Variants in LYRM1 observed in about 807,000 individuals in gnomAD.
The protein encoded by LYRM1 is LYR motif-containing protein 1.
A neutral mutation model predicts 14.9 loss-of-function variants in LYRM1; 14 were observed. That is an observed-to-expected ratio of 0.94 (90% CI 0.62 to 1.47). The LOEUF is 1.47. LYRM1 is among the 40% of genes most tolerant of loss of function. The pLI is 0.00. For synonymous variants in LYRM1, 43 were observed against 56.2 expected (o/e 0.77, Z 1.05); for missense variants, 153 against 149.9 (o/e 1.02, Z -0.11).
intron 3 of LYRM1, 174 bp downstream of exon 3, chr16:20,920,388 T>TTA (rs1172039409): frequency 1.6e-6 from 1 of 622,446 alleles, no homozygotes; most frequent in Non-Finnish European, 2.9e-6. Flanking sequence ...CAAAGTAAAA[T>TTA]GTCAATGAAT....
At chr16:20,917,839 T>G (rs1253735756) in intron 2 of LYRM1, among the ~76,000 whole-genome samples, 1 of 152,092 alleles carries the variant, frequency 6.6e-6, no homozygotes, top group Non-Finnish European at 1.5e-5. Context: ...TTTTCTTCTT[T>G]ATTTTATTTA....
chr16:20,917,592 T>C (rs949019869), intron 2 of LYRM1, among the ~76,000 whole-genome samples: 6 of 152,016 alleles, frequency 3.9e-5, no homozygotes, highest in Admixed American at 2.6e-4. Context: ...AAACCCTGTC[T>C]ACTAAAAATA....
intron 2 of LYRM1, among the ~76,000 whole-genome samples, chr16:20,916,745 A>G (rs2082921853): frequency 6.6e-6 from 1 of 152,174 alleles, no homozygotes; most frequent in Non-Finnish European, 1.5e-5. Context: ...CATTGGTGTC[A>G]CAGCTCCTGT....
chr16:20,923,498 C>CA (rs66570481), intron 3 of LYRM1, among the ~76,000 whole-genome samples: 51,048 of 109,360 alleles, frequency 0.47, 11,706 homozygotes, highest in Non-Finnish European at 0.54. Context: ...AACTGTGTCT[C>CA]AAAAAAAAAA....
intron 2 of LYRM1, among the ~76,000 whole-genome samples, chr16:20,919,501 A>G (rs2083078643): frequency 6.6e-6 from 1 of 152,230 alleles, no homozygotes; most frequent in East Asian, 1.9e-4. Context: ...TCTCTCTAGG[A>G]ATTCATCTTT....
chr16:20,902,047 G>A (rs977787162), intron 1 of LYRM1, among the ~76,000 whole-genome samples: 1 of 152,158 alleles, frequency 6.6e-6, no homozygotes, highest in African/African-American at 2.4e-5. Flanking sequence ...GGAGGTGGAG[G>A]TTGCAGTGAG....
chr16:20,901,141 C>G lies in LYRM1; in HGVS notation c.-1+252C>G, dbSNP rs1386088205. The G allele has an allele frequency of 6.6e-6, 1 of 152,302 alleles. No homozygotes were observed. The highest frequency in any genetic ancestry group is 1.5e-5 in the Non-Finnish European group (1 of 68,152). The allele number at this position is 152,302 out of a possible 1,614,324, so 9.4% of individuals were successfully genotyped here. A position where few individuals can be genotyped will look rare whatever the true frequency, so the allele number is the denominator to read the frequency against. ...GACGCTCAGGTGCCGGCGTGGGGCCCCCTCGGAGGCTGTGAATCTTTTGGA... is the reference window on the plus strand; with the variant it reads ...GACGCTCAGGTGCCGGCGTGGGGCCGCCTCGGAGGCTGTGAATCTTTTGGA... On this transcript the variant is annotated intron_variant, in intron 1 of 3. Coordinates refer to ENST00000567954, the MANE Select transcript of LYRM1 (RefSeq NM_001128302.3). The surrounding 1 kb of genome is among the most constrained non-coding windows in gnomAD (Gnocchi z 4.6).
At chr16:20,906,901 C>T (rs1411633809) in intron 1 of LYRM1, among the ~76,000 whole-genome samples, 2 of 152,102 alleles carry the variant, frequency 1.3e-5, no homozygotes, top group Admixed American at 1.3e-4. Flanking sequence ...CTCCCCAGAC[C>T]CTCTCACTGC....
chr16:20,923,498 C>CAAAAAAA (rs66570481), intron 3 of LYRM1, among the ~76,000 whole-genome samples: 3 of 110,422 alleles, frequency 2.7e-5, no homozygotes, highest in Admixed American at 9.6e-5. Flanking sequence ...AACTGTGTCT[C>CAAAAAAA]AAAAAAAAAA....
chr16:20,922,282 G>A (rs958380444), intron 3 of LYRM1, among the ~76,000 whole-genome samples: 9 of 152,054 alleles, frequency 5.9e-5, no homozygotes, highest in Admixed American at 1.3e-4. Context: ...GAGCCACCAC[G>A]CCCAGCCCAA....
At chr16:20,907,186 A>G (rs2082364739) in intron 1 of LYRM1, among the ~76,000 whole-genome samples, 1 of 152,190 alleles carries the variant, frequency 6.6e-6, no homozygotes, top group Non-Finnish European at 1.5e-5. Flanking sequence ...TATACAGTGT[A>G]TTTAAAAAGA....
At chr16:20,922,886 G>T (rs1310820208) in intron 3 of LYRM1, among the ~76,000 whole-genome samples, 1 of 152,154 alleles carries the variant, frequency 6.6e-6, no homozygotes, top group Non-Finnish European at 1.5e-5. Context: ...AAGAAAGCTG[G>T]TGGTATTACT....
intron 1 of LYRM1, among the ~76,000 whole-genome samples, chr16:20,914,723 T>C (rs938150436): frequency 2.6e-5 from 4 of 152,184 alleles, no homozygotes; most frequent in African/African-American, 7.2e-5. Context: ...TCTTTCTACA[T>C]GGCAGCTGCT....
At chr16:20,906,725 C>G (rs1258717565) in intron 1 of LYRM1, among the ~76,000 whole-genome samples, 1 of 152,136 alleles carries the variant, frequency 6.6e-6, no homozygotes, top group Non-Finnish European at 1.5e-5. Context: ...TCTTAAATTC[C>G]TAAGTGTTCA....
At chr16:20,922,588 C>G (rs574652595) in intron 3 of LYRM1, among the ~76,000 whole-genome samples, 2 of 152,250 alleles carry the variant, frequency 1.3e-5, no homozygotes, top group Admixed American at 1.3e-4. Context: ...CTCCTGGGTT[C>G]AAGCGATTCT....
chr16:20,924,330 C>A lies in LYRM1; in HGVS notation c.*214C>A. 2.2e-6 allele frequency: 1 copy of A among 453,620 alleles called. No individual in the cohort carries two copies. The highest frequency in any genetic ancestry group is 4.0e-6 in the Non-Finnish European group (1 of 252,740). 28.1% of individuals were successfully genotyped at this position (453,620 alleles called of 1,614,324 possible). ...TGGCATTATCCCTAGAGGTCATGGA[C>A]CTTACATCCTCACTGCAGTCACCTT... On this transcript the variant is annotated 3_prime_UTR_variant, in exon 4 of 4. Coordinates refer to ENST00000567954, the MANE Select transcript of LYRM1 (RefSeq NM_001128302.3).
intron 1 of LYRM1, among the ~76,000 whole-genome samples, chr16:20,913,740 A>C (rs913157859): frequency 6.6e-6 from 1 of 152,206 alleles, no homozygotes; most frequent in East Asian, 1.9e-4. Flanking sequence ...ACATCTTCTG[A>C]AATTAAAACT....
intron 2 of LYRM1, among the ~76,000 whole-genome samples, chr16:20,916,646 T>G (rs1220254595): frequency 6.6e-6 from 1 of 152,208 alleles, no homozygotes. Context: ...CTTTGGCCTC[T>G]GCCTGGCCAC....
At chr16:20,909,373 A>C (rs987468296) in intron 1 of LYRM1, among the ~76,000 whole-genome samples, 1 of 152,202 alleles carries the variant, frequency 6.6e-6, no homozygotes, top group Admixed American at 6.5e-5. Flanking sequence ...AAAAGGAGTA[A>C]AGAATTGGAA....
Sources: gnomAD v4.1 joint callset for allele counts (sites outside exome capture counted in the v4.1 genomes callset) on GRCh38, gnomAD v4.1.1 for gene constraint, Gnocchi (gnomAD v3.1) non-coding constraint, MANE v1.5 for transcripts, NCBI Gene and HGNC (gene_info 2026-07-23, HGNC 2026-07-21) for gene names.